GRID2: variants seen among roughly 807,000 people sequenced by gnomAD.
GRID2 encodes the protein glutamate ionotropic receptor delta type subunit 2.
GRID2 carries 33 observed loss-of-function variants against 114.8 expected under a neutral mutation model. The observed-to-expected ratio is 0.29, with a 90% CI of 0.22 to 0.38. The LOEUF (loss-of-function observed/expected upper bound fraction) is 0.38. Ranked by LOEUF, GRID2 falls within the 10% of genes least tolerant of loss-of-function variation. GRID2 has a pLI of 1.00. For synonymous variants in GRID2, 505 were observed against 449.9 expected (o/e 1.12, Z -1.55); for missense variants, 1,184 against 1,257.7 (o/e 0.94, Z 0.89).
chr4:93,304,885 T>C (rs1755260431), intron 8 of GRID2, among the ~76,000 whole-genome samples: 1 of 152,154 alleles, frequency 6.6e-6, no homozygotes, highest in Admixed American at 6.6e-5. Flanking sequence ...ATTTGATGTG[T>C]GAATAAATGA....
intron 2 of GRID2, among the ~76,000 whole-genome samples, chr4:92,638,370 A>G (rs955355472): frequency 4.6e-5 from 7 of 150,740 alleles, no homozygotes; most frequent in African/African-American, 1.5e-4. Context: ...TACAATCAGC[A>G]CCTCAGTTCC....
intron 2 of GRID2, among the ~76,000 whole-genome samples, chr4:92,887,600 A>T (rs1164799075): frequency 6.6e-6 from 1 of 152,184 alleles, no homozygotes; most frequent in African/African-American, 2.4e-5. Flanking sequence ...TGGTTTTCAT[A>T]TCATGGTGTC....
intron 2 of GRID2, chr4:92,822,346 C>A: frequency 1.6e-6 from 1 of 628,908 alleles, no homozygotes; most frequent in South Asian, 1.4e-5. Flanking sequence ...TCACAGTGTT[C>A]AGATGGACTG....
At chr4:92,695,186 G>A (rs1272487787) in intron 2 of GRID2, among the ~76,000 whole-genome samples, 1 of 151,948 alleles carries the variant, frequency 6.6e-6, no homozygotes, top group African/African-American at 2.4e-5. Context: ...GTCTGGTCTC[G>A]AACTCCTGGG....
rs114327554 is a variant in GRID2, at chr4:93,385,919, C to G, written c.1246-9688C>G. 5.7e-3 allele frequency among the ~76,000 whole-genome samples: 872 copies of G among 152,130 alleles called. 8 individuals carry two copies. Among genetic ancestry groups the G allele is most frequent in the African/African-American group, 0.02 (830 of 41,508 alleles). ...GTCTTTCAAAAATATCTTCCTTTCTCTATGTTGAGTTAGATATGTATTCAC... is the reference window on the plus strand; with the variant it reads ...GTCTTTCAAAAATATCTTCCTTTCTGTATGTTGAGTTAGATATGTATTCAC... On this transcript the variant is annotated intron_variant, in intron 8 of 15. Transcript: ENST00000282020.
At chr4:93,335,136 G>A (rs1164112114) in intron 8 of GRID2, among the ~76,000 whole-genome samples, 2 of 152,084 alleles carry the variant, frequency 1.3e-5, no homozygotes, top group African/African-American at 2.4e-5. Flanking sequence ...ATTTAACTGT[G>A]TGACGCAGTG....
At chr4:92,489,255 ACT>A (rs1277050574) in intron 1 of GRID2, among the ~76,000 whole-genome samples, 1 of 152,086 alleles carries the variant, frequency 6.6e-6, no homozygotes, top group Non-Finnish European at 1.5e-5. Flanking sequence ...TAACTTAAAA[ACT>A]CAACAGAAAT....
At chr4:92,540,809 T>A (rs897505157) in intron 1 of GRID2, among the ~76,000 whole-genome samples, 1 of 152,086 alleles carries the variant, frequency 6.6e-6, no homozygotes, top group African/African-American at 2.4e-5. Flanking sequence ...ACCCAAAGGA[T>A]TATAAATCAT....
intron 2 of GRID2, among the ~76,000 whole-genome samples, chr4:92,813,464 A>T (rs1351980599): frequency 6.6e-6 from 1 of 152,156 alleles, no homozygotes; most frequent in Non-Finnish European, 1.5e-5. Context: ...TTGATTTCAC[A>T]TATAAAATTT....
At chr4:93,225,076 C>CA (rs1307127067) in intron 7 of GRID2, among the ~76,000 whole-genome samples, 1 of 151,972 alleles carries the variant, frequency 6.6e-6, no homozygotes, top group Non-Finnish European at 1.5e-5. Flanking sequence ...TCGCAAAATA[C>CA]AAAAGGCTTT....
intron 2 of GRID2, among the ~76,000 whole-genome samples, chr4:93,070,608 G>A (rs905480637): frequency 1.3e-5 from 2 of 151,976 alleles, no homozygotes; most frequent in Non-Finnish European, 2.9e-5. Context: ...GAAGAAAAAA[G>A]AGAAACCATA....
intron 4 of GRID2, among the ~76,000 whole-genome samples, chr4:93,139,931 T>C (rs1046756768): frequency 6.6e-6 from 1 of 152,182 alleles, no homozygotes; most frequent in Non-Finnish European, 1.5e-5. Context: ...TGATCAAGAA[T>C]GTTTGTAACA....
chr4:92,888,838 C>G (rs182774152), intron 2 of GRID2, among the ~76,000 whole-genome samples: 1 of 149,742 alleles, frequency 6.7e-6, no homozygotes, highest in African/African-American at 2.5e-5. Flanking sequence ...GCAAATAAAG[C>G]GGACATTTTT....
intron 14 of GRID2, among the ~76,000 whole-genome samples, chr4:93,677,227 G>C (rs1234785324): frequency 6.6e-6 from 1 of 152,248 alleles, no homozygotes; most frequent in Non-Finnish European, 1.5e-5. Context: ...GGCTGGGGGA[G>C]GGGCGCCCGC....
intron 2 of GRID2, among the ~76,000 whole-genome samples, chr4:92,778,661 T>G (rs1380135780): frequency 2.6e-5 from 4 of 152,156 alleles, no homozygotes; most frequent in Non-Finnish European, 5.9e-5. Context: ...TTGGCAATAA[T>G]AATTTTATGG....
At position 93,346,723 on chromosome 4, in the gene GRID2, G is replaced by A. The variant is rs115897626; in HGVS notation, c.1246-48884G>A. The stretch of plus-strand genomic sequence containing the variant: ...AATGTTGCATTTTTATCTGAAATTC[G>A]GAAATAACTGAACTTTCCTAAGCGA... On this transcript the variant is annotated intron_variant, in intron 8 of 15. Coordinates refer to ENST00000282020, the MANE Select transcript of GRID2 (RefSeq NM_001510.4). Among the ~76,000 whole-genome samples, 388 of 152,020 alleles carry A rather than the reference G, an allele frequency of 2.6e-3. 2 individuals carry two copies. Among genetic ancestry groups the A allele is most frequent in the African/African-American group, 8.5e-3 (354 of 41,464 alleles).
intron 2 of GRID2, among the ~76,000 whole-genome samples, chr4:92,922,505 C>T (rs930661562): frequency 5.9e-5 from 9 of 152,066 alleles, no homozygotes; most frequent in African/African-American, 1.9e-4. Flanking sequence ...GAAACTGACA[C>T]TTAACTTTTA....
At chr4:92,709,473 C>G (rs1168270045) in intron 2 of GRID2, among the ~76,000 whole-genome samples, 1 of 145,298 alleles carries the variant, frequency 6.9e-6, no homozygotes, top group African/African-American at 2.6e-5. Context: ...AAATGATCTA[C>G]AAAGTGGAGA....
chr4:93,295,427 A>T (rs535309956), intron 8 of GRID2, among the ~76,000 whole-genome samples: 1 of 152,342 alleles, frequency 6.6e-6, no homozygotes, highest in East Asian at 1.9e-4. Flanking sequence ...CCAGAGAAAC[A>T]GAAGTAGTAG....
Sources: gnomAD v4.1 joint callset for allele counts (sites outside exome capture counted in the v4.1 genomes callset) on GRCh38, gnomAD v4.1.1 for gene constraint, MANE v1.5 for transcripts, NCBI Gene and HGNC (gene_info 2026-07-23, HGNC 2026-07-21) for gene names.